Variants in TADA1 observed in about 807,000 individuals in gnomAD.
The protein encoded by TADA1 is transcriptional adaptor 1.
In TADA1, 23 loss-of-function variants were observed where a neutral mutation model predicts 39.3. That is an observed-to-expected ratio of 0.58 (90% CI 0.42 to 0.83). The LOEUF (loss-of-function observed/expected upper bound fraction) is 0.83, where lower values mean the gene tolerates loss of function less well. Ranked by LOEUF, TADA1 falls within the 40% of genes least tolerant of loss-of-function variation. The probability of loss-of-function intolerance (pLI) is 0.00; values close to 1 mark genes in which losing one functional copy is unlikely to be tolerated. For synonymous variants in TADA1, 137 were observed against 151.8 expected (o/e 0.90, Z 0.72); for missense variants, 352 against 408.1 (o/e 0.86, Z 1.18).
intron 1 of TADA1, among the ~76,000 whole-genome samples, chr1:166,870,569 T>C (rs1472413784): frequency 6.6e-6 from 1 of 152,246 alleles, no homozygotes; most frequent in Non-Finnish European, 1.5e-5. Context: ...GGCTCATGCC[T>C]GTAGTCCCAG....
chr1:166,862,746 G>C (rs1658444362), intron 4 of TADA1: 1 of 303,468 alleles, frequency 3.3e-6, no homozygotes. Context: ...AAACAAATCA[G>C]AGCATTTTAA....
rs972452690 is a variant in TADA1 at position 166,857,463 on chromosome 1, T to A, written c.*104A>T. The stretch of plus-strand genomic sequence containing the variant: ...AATGTCACATTTCCATAGGAAAGGT[T>A]ATATATACACTATACACTTCAGCCT... On this transcript the variant is annotated 3_prime_UTR_variant, in exon 8 of 8. Coordinates refer to ENST00000367874, the MANE Select transcript of TADA1 (RefSeq NM_053053.4). The A allele has an allele frequency of 3.6e-5, 47 of 1,297,630 alleles. No homozygotes were observed. The highest frequency in any genetic ancestry group is 4.8e-5 in the Non-Finnish European group (45 of 935,794). 80.4% of individuals were successfully genotyped at this position (1,297,630 alleles called of 1,614,324 possible). A position where few individuals can be genotyped will look rare whatever the true frequency, so the allele number is the denominator to read the frequency against.
Position 166,857,414 on chromosome 1 carries a change from A to C in TADA1, c.*153T>G. The C allele has an allele frequency of 4.7e-6, 4 of 859,898 alleles. No individual in the cohort carries two copies. Among genetic ancestry groups the C allele is most frequent in the Non-Finnish European group, 7.1e-6 (4 of 564,796 alleles). 53.3% of individuals were successfully genotyped at this position (859,898 alleles called of 1,614,324 possible). On this transcript the variant is annotated 3_prime_UTR_variant, in exon 8 of 8. Transcript: ENST00000367874. The stretch of plus-strand genomic sequence containing the variant: ...ACCAAAGATTTATATTAATGGCTTC[A>C]CAACAGCAACACAAAATGTACTCAA...
intron 7 of TADA1, 86 bp from the exon 8 acceptor site, chr1:166,857,805 A>G (rs1658314197): frequency 1.4e-5 from 19 of 1,403,800 alleles, no homozygotes; most frequent in Admixed American, 4.3e-5. Flanking sequence ...TCAACAAAAC[A>G]TACACACAAT....
rs192261556 is a variant in TADA1 at position 166,874,032 on chromosome 1, C to T, written c.74+2128G>A. On this transcript the variant is annotated intron_variant, in intron 1 of 7. Transcript: ENST00000367874. ...ATTCTAGATGGAACAGAGTGAAATG[C>T]CCCTTATGTGCTTAAAAATGTAAAT... Among the ~76,000 whole-genome samples, 214 of 151,322 alleles carry T rather than the reference C, an allele frequency of 1.4e-3. 1 individual carries two copies. The highest frequency in any genetic ancestry group is 4.9e-3 in the African/African-American group (202 of 41,190).
At chr1:166,866,623 T>C (rs1009320513) in intron 3 of TADA1, among the ~76,000 whole-genome samples, 4 of 152,230 alleles carry the variant, frequency 2.6e-5, no homozygotes, top group East Asian at 3.8e-4. Context: ...TCCAAATGCT[T>C]CTTCATTTAT....
intron 1 of TADA1, among the ~76,000 whole-genome samples, chr1:166,874,305 AC>A (rs956900833): frequency 1.1e-4 from 16 of 151,620 alleles, no homozygotes; most frequent in Non-Finnish European, 1.8e-4. Flanking sequence ...ATGCCACTGC[AC>A]CCCAGCCTGG....
At chr1:166,857,971 G>A (rs1296477306) in intron 7 of TADA1, 148 bp downstream of exon 7, 11 of 1,067,894 alleles carry the variant, frequency 1.0e-5, no homozygotes, top group African/African-American at 1.6e-5. Flanking sequence ...TGAAAAATGA[G>A]GCTAGTATTA....
rs771501681 is a variant in TADA1, at chr1:166,858,284, G to GA, written c.693-4dup. The stretch of plus-strand genomic sequence containing the variant: ...AGGGAGCAGTAAAAGCTGGAGGGCT[G>GA]AAAATAAAAATTTCAGAAATAGTCC... On this transcript the variant is annotated splice_region_variant and splice_polypyrimidine_tract_variant and intron_variant, in intron 6 of 7. Coordinates refer to ENST00000367874, the MANE Select transcript of TADA1 (RefSeq NM_053053.4). The GA allele has an allele frequency of 3.3e-6, 5 of 1,533,116 alleles. No individual in the cohort carries two copies. In the South Asian group the frequency reaches 6.3e-5, roughly 19 times the overall value. 95.0% of individuals were successfully genotyped at this position (1,533,116 alleles called of 1,614,324 possible).
chr1:166,873,333 A>G (rs1238576742), intron 1 of TADA1, among the ~76,000 whole-genome samples: 2 of 152,216 alleles, frequency 1.3e-5, no homozygotes, highest in South Asian at 2.1e-4. Flanking sequence ...GAAATCAGGC[A>G]CCTATTTGAA....
At chr1:166,871,369 A>G (rs910978593) in intron 1 of TADA1, among the ~76,000 whole-genome samples, 2 of 152,130 alleles carry the variant, frequency 1.3e-5, no homozygotes, top group African/African-American at 4.8e-5. Context: ...AAAAAATCAG[A>G]TTTCTCAACG....
chr1:166,867,196 C>G (rs530543136), intron 3 of TADA1, among the ~76,000 whole-genome samples: 2 of 152,292 alleles, frequency 1.3e-5, no homozygotes, highest in East Asian at 3.9e-4. Context: ...ACACTTGAAC[C>G]TAAGTCTCTT....
At chr1:166,862,592 G>GA (rs1658439703) in intron 4 of TADA1, 180 bp from the exon 5 acceptor site, 1 of 607,622 alleles carries the variant, frequency 1.6e-6, no homozygotes, top group African/African-American at 1.9e-5. Context: ...CCAATACAAG[G>GA]TAATAATGAA....
At chr1:166,862,177 A>G in intron 5 of TADA1, 26 bp downstream of exon 5, 5 of 1,609,884 alleles carry the variant, frequency 3.1e-6, no homozygotes, top group Non-Finnish European at 4.2e-6. Context: ...AACCTGTAAG[A>G]TTATTTCTGC....
chr1:166,865,801 A>AGAGT (rs1491260797), intron 3 of TADA1, among the ~76,000 whole-genome samples: 1 of 146,406 alleles, frequency 6.8e-6, no homozygotes, highest in African/African-American at 2.8e-5. Flanking sequence ...CATGGGCGAC[A>AGAGT]GAGTGAGACT....
chr1:166,873,043 T>C (rs1284971367), intron 1 of TADA1, among the ~76,000 whole-genome samples: 4 of 152,072 alleles, frequency 2.6e-5, no homozygotes, highest in Non-Finnish European at 5.9e-5. Context: ...CCAAGGGGGA[T>C]GTGGATCACT....
At position 166,858,145 on chromosome 1, in the gene TADA1, T is replaced by G. The variant is rs1264614352; in HGVS notation, c.829A>C (p.Met277Leu). 3.7e-6 allele frequency: 6 copies of G among 1,614,144 alleles called. No homozygotes were observed. Among genetic ancestry groups the G allele is most frequent in the Non-Finnish European group, 5.1e-6 (6 of 1,180,006 alleles). ...TGCAAAGCTTCAAAAAGATCGTACATGTTCACCGGAGGCAAAGATGCAGGT... is the reference window on the plus strand; with the variant it reads ...TGCAAAGCTTCAAAAAGATCGTACAGGTTCACCGGAGGCAAAGATGCAGGT... ...TLPASLPPVN[M>L]YDLFEALQVH... Residue 277 changes from methionine to leucine, a missense_variant, in exon 7 of 8, where the codon ATG (methionine) becomes CTG (leucine). This residue lies in a region of TADA1 where 285 missense variants were observed against 310.9 expected (regional missense o/e 0.92). Transcript: ENST00000367874.
intron 5 of TADA1, among the ~76,000 whole-genome samples, chr1:166,861,889 T>TA (rs200126214): frequency 5.9e-5 from 9 of 151,698 alleles, no homozygotes; most frequent in South Asian, 4.2e-4. Context: ...CCCCCATCCC[T>TA]AAAAAATTTT....
At chr1:166,867,579 A>T (rs1188581395) in intron 3 of TADA1, among the ~76,000 whole-genome samples, 5 of 150,886 alleles carry the variant, frequency 3.3e-5, no homozygotes, top group Non-Finnish European at 5.9e-5. Flanking sequence ...AGGAGATCTT[A>T]TGTGAATTTT....
Sources: gnomAD v4.1 joint callset for allele counts (sites outside exome capture counted in the v4.1 genomes callset) on GRCh38, gnomAD v4.1.1 for gene constraint, gnomAD v4.1.1 regional missense constraint, MANE v1.5 for transcripts, NCBI Gene and HGNC (gene_info 2026-07-23, HGNC 2026-07-21) for gene names.